The following FRAS1 variants were observed in gnomAD, a reference collection of about 807,000 sequenced individuals.
FRAS1 encodes extracellular matrix organizing protein FRAS1.
FRAS1 carries 290 observed loss-of-function variants against 435.2 expected under a neutral mutation model. The ratio of observed to expected loss-of-function variants is 0.67; its 90% CI spans 0.61 to 0.73. The LOEUF is 0.73. FRAS1 is among the 30% of genes least tolerant of loss of function. The pLI is 0.00. For synonymous variants in FRAS1, 1,800 were observed against 1,851.0 expected, an observed-to-expected ratio of 0.97 and a Z score of 0.71; for missense variants, 4,860 against 5,001.5, an observed-to-expected ratio of 0.97 and a Z score of 0.85.
intron 19 of FRAS1, among the ~76,000 whole-genome samples, chr4:78,336,787 G>C (rs1332806499): frequency 6.6e-6 from 1 of 152,144 alleles, no homozygotes. Context: ...CCCAGCTCCA[G>C]CCCTTCACAT....
chr4:78,324,640 G>A (rs1386590117), intron 18 of FRAS1, among the ~76,000 whole-genome samples: 2 of 150,846 alleles, frequency 1.3e-5, no homozygotes, highest in Non-Finnish European at 3.0e-5. Context: ...GAGGGATCCT[G>A]GGTTCTAATA....
intron 35 of FRAS1, among the ~76,000 whole-genome samples, chr4:78,425,973 T>TA (rs1733984297): frequency 6.6e-6 from 1 of 152,018 alleles, no homozygotes; most frequent in African/African-American, 2.4e-5. Context: ...CCTTGTAGTC[T>TA]CAACTACTCA....
At chr4:78,079,045 G>A (rs190412370) in intron 2 of FRAS1, among the ~76,000 whole-genome samples, 8 of 152,216 alleles carry the variant, frequency 5.3e-5, no homozygotes, top group Non-Finnish European at 7.4e-5. Context: ...GTAAATCATC[G>A]TAGATTAACT....
chr4:78,363,393 T>C, intron 20 of FRAS1, 120 bp from the exon 21 acceptor site: 1 of 978,246 alleles, frequency 1.0e-6, no homozygotes, highest in Non-Finnish European at 1.5e-6. Context: ...GCCTTTGGGC[T>C]ACTCTCCAGC....
rs976074672 is a variant in FRAS1, at chr4:78,363,674, G to A, written c.2575+9G>A. 6 of 1,575,148 alleles carry A rather than the reference G, an allele frequency of 3.8e-6. No individual in the cohort carries two copies. The highest frequency in any genetic ancestry group is 5.2e-6 in the Non-Finnish European group (6 of 1,160,206). ...GAGAGGAGCTTGTAAAAGTGAGTAA[G>A]TGCTGGACTCAGGAGCTGGAGCTGC... On this transcript the variant is annotated intron_variant, in intron 21 of 73. Coordinates refer to ENST00000512123, the MANE Select transcript of FRAS1 (RefSeq NM_025074.7).
At chr4:78,275,565 A>G (rs530940321) in intron 9 of FRAS1, among the ~76,000 whole-genome samples, 3 of 152,230 alleles carry the variant, frequency 2.0e-5, no homozygotes, top group Admixed American at 2.0e-4. Context: ...ATTTCTCCTT[A>G]ACTTACGAAG....
chr4:78,435,544 G>C (rs977553396), intron 38 of FRAS1, among the ~76,000 whole-genome samples: 1 of 152,146 alleles, frequency 6.6e-6, no homozygotes, highest in African/African-American at 2.4e-5. Context: ...TTTGAGATCA[G>C]CCTGGCCAAC....
chr4:78,265,153 C>A, intron 7 of FRAS1, 45 bp downstream of exon 7: 1 of 1,302,028 alleles, frequency 7.7e-7, no homozygotes, highest in Non-Finnish European at 1.1e-6. Context: ...CATCCGTTCT[C>A]ACACATCTGC....
chr4:78,475,911 G>A (rs527990023), intron 54 of FRAS1, among the ~76,000 whole-genome samples: 31 of 152,180 alleles, frequency 2.0e-4, no homozygotes, highest in Admixed American at 2.6e-4. Context: ...TATCCCAACC[G>A]TTCTTCTCCT....
intron 20 of FRAS1, among the ~76,000 whole-genome samples, chr4:78,342,535 T>C (rs1730433617): frequency 6.6e-6 from 1 of 152,034 alleles, no homozygotes; most frequent in Admixed American, 6.5e-5. Flanking sequence ...GGTTTTCTTT[T>C]GTCATAGATT....
At chr4:78,220,301 A>G (rs978634859) in intron 2 of FRAS1, among the ~76,000 whole-genome samples, 3 of 152,228 alleles carry the variant, frequency 2.0e-5, no homozygotes, top group African/African-American at 4.8e-5. Context: ...ACATTTTTAA[A>G]TGGCTTAAAA....
chr4:78,385,840 G>A (rs991373939), intron 28 of FRAS1, among the ~76,000 whole-genome samples: 7 of 150,934 alleles, frequency 4.6e-5, no homozygotes, highest in Admixed American at 1.3e-4. Context: ...AGCTGAGATC[G>A]TGCCACTGCA....
At chr4:78,330,397 G>A (rs1297160620) in intron 18 of FRAS1, among the ~76,000 whole-genome samples, 2 of 152,072 alleles carry the variant, frequency 1.3e-5, no homozygotes, top group African/African-American at 4.8e-5. Flanking sequence ...TGAAATCTGG[G>A]CACCTTGAAA....
At chr4:78,140,623 GTATACGCATATACATATGTGTATATGTA>G (rs1203444973) in intron 2 of FRAS1, among the ~76,000 whole-genome samples, 42 of 151,484 alleles carry the variant, frequency 2.8e-4, no homozygotes, top group Admixed American at 1.1e-3. Flanking sequence ...ATATATATGT[GTATACGCATATACATATGTGTATATGTA>G]TATACGTATA....
intron 36 of FRAS1, among the ~76,000 whole-genome samples, chr4:78,429,466 G>C (rs945989065): frequency 2.0e-5 from 3 of 152,120 alleles, no homozygotes; most frequent in African/African-American, 7.2e-5. Flanking sequence ...CTGATTTTCC[G>C]GGAGTTTGCT....
At chr4:78,104,944 C>T (rs1458643923) in intron 2 of FRAS1, among the ~76,000 whole-genome samples, 1 of 152,198 alleles carries the variant, frequency 6.6e-6, no homozygotes, top group Non-Finnish European at 1.5e-5. Context: ...GGTGTTCAGC[C>T]TAACCTTGCT....
chr4:78,226,326 G>A (rs1724271069), intron 2 of FRAS1, among the ~76,000 whole-genome samples: 1 of 151,962 alleles, frequency 6.6e-6, no homozygotes, highest in Non-Finnish European at 1.5e-5. Context: ...TCTATTTAGA[G>A]TCATTTTCTT....
At chr4:78,493,024 A>G (rs753196799) in intron 59 of FRAS1, among the ~76,000 whole-genome samples, 2 of 152,252 alleles carry the variant, frequency 1.3e-5, no homozygotes, top group Non-Finnish European at 2.9e-5. Context: ...AAAAGAAGAC[A>G]TTTATGCAGC....
At position 78,471,659 on chromosome 4, in the gene FRAS1, T is replaced by C. The variant is rs570444643; in HGVS notation, c.7372-521T>C. On this transcript the variant is annotated intron_variant, in intron 51 of 73. Transcript: ENST00000512123. Reference sequence around the variant, plus strand: ...TGCTCAAATCTTGGCTCTCACTAAATACTTCAATGAATGAATGAATGAAAG... The same window carrying C: ...TGCTCAAATCTTGGCTCTCACTAAACACTTCAATGAATGAATGAATGAAAG... Among the ~76,000 whole-genome samples, 5 of 152,366 alleles carry C rather than the reference T, an allele frequency of 3.3e-5. No individual in the cohort carries two copies. In the East Asian group the frequency reaches 9.6e-4, roughly 29 times the overall value.
Sources: allele counts gnomAD v4.1 joint callset (sites outside exome capture counted in the v4.1 genomes callset), GRCh38; gene constraint gnomAD v4.1.1; transcripts MANE v1.5; gene names NCBI Gene and HGNC (gene_info 2026-07-23, HGNC 2026-07-21).